Variants in ITPRID2 observed in about 807,000 individuals in gnomAD.
The protein encoded by ITPRID2 is ITPR interacting domain containing 2, also known as protein ITPRID2.
ITPRID2 carries 60 observed loss-of-function variants against 124.3 expected under a neutral mutation model. That is an observed-to-expected ratio of 0.48 (90% CI 0.39 to 0.60). ITPRID2 has a LOEUF of 0.60. ITPRID2 is among the 20% of genes least tolerant of loss of function. The probability of loss-of-function intolerance (pLI) is 0.00; values close to 1 mark genes in which losing one functional copy is unlikely to be tolerated. For synonymous variants in ITPRID2, 521 were observed against 542.9 expected, an observed-to-expected ratio of 0.96 and a Z score of 0.56; for missense variants, 1,553 against 1,512.2, an observed-to-expected ratio of 1.03 and a Z score of -0.45.
rs1194696520 is a variant in ITPRID2, at chr2:181,891,951, C to T, written c.-116C>T. On this transcript the variant is annotated 5_prime_UTR_variant, in exon 1 of 18. Coordinates refer to ENST00000431877, the MANE Select transcript of ITPRID2 (RefSeq NM_001130445.3). Reference sequence around the variant, plus strand: ...CCTCCTCCTCCTCCTCCGGCGCCCGCTTCAGCTCCCCGGGGCCCCCTGCCC... The same window carrying T: ...CCTCCTCCTCCTCCTCCGGCGCCCGTTTCAGCTCCCCGGGGCCCCCTGCCC... 1.2e-5 allele frequency: 11 copies of T among 892,196 alleles called. No individual in the cohort carries two copies. The highest frequency in any genetic ancestry group is 1.8e-5 in the South Asian group (1 of 55,468). 55.3% of individuals were successfully genotyped at this position (892,196 alleles called of 1,614,324 possible).
intron 7 of ITPRID2, among the ~76,000 whole-genome samples, chr2:181,901,386 T>C (rs1416386188): frequency 6.6e-6 from 1 of 152,160 alleles, no homozygotes; most frequent in African/African-American, 2.4e-5. Context: ...CCCTGCAAAT[T>C]AGGTATAAAA....
Position 181,905,243 on chromosome 2 carries a change from G to A in ITPRID2, c.1413+2777G>A, listed in dbSNP as rs1693017011. On this transcript the variant is annotated intron_variant, in intron 8 of 17. Transcript: ENST00000431877. This position sits in a 1 kb window ranked among gnomAD's most constrained non-coding sequence, Gnocchi z 4.1. ...TTTTTGTATTTTTAGTAGAGATGGG[G>A]TTTCACTACGTTGGCCAGGCTGGTC... is the stretch of plus-strand genomic sequence containing the variant. Among the ~76,000 whole-genome samples, 1 of 151,884 alleles carries A rather than the reference G, an allele frequency of 6.6e-6. No individual in the cohort carries two copies. Among genetic ancestry groups the A allele is most frequent in the Admixed American group, 6.6e-5 (1 of 15,252 alleles).
At chr2:181,925,699 C>T (rs1694794102) in intron 16 of ITPRID2, among the ~76,000 whole-genome samples, 1 of 152,176 alleles carries the variant, frequency 6.6e-6, no homozygotes, top group South Asian at 2.1e-4. Flanking sequence ...GCTCACAGTA[C>T]ACCTTCCATC....
At chr2:181,904,599 ATTCAGTGTAGTTTGTTGCTATTTTTCTT>A (rs1431265973) in intron 8 of ITPRID2, among the ~76,000 whole-genome samples, 1 of 152,190 alleles carries the variant, frequency 6.6e-6, no homozygotes, top group Non-Finnish European at 1.5e-5. Flanking sequence ...TTTAGATCCT[ATTCAGTGTAGTTTGTTGCTATTTTTCTT>A]TTGGACCTCT....
At chr2:181,913,709 A>G in intron 9 of ITPRID2, 136 bp from the exon 10 acceptor site, 2 of 554,770 alleles carry the variant, frequency 3.6e-6, no homozygotes, top group Admixed American at 3.9e-5. Context: ...TTTTCTAAGA[A>G]GCAGTCAAAT....
At chr2:181,901,687 A>G (rs1233394739) in intron 7 of ITPRID2, 79 bp from the exon 8 acceptor site, 8 of 1,043,994 alleles carry the variant, frequency 7.7e-6, no homozygotes, top group Non-Finnish European at 1.0e-5. Flanking sequence ...TTGGAATTCT[A>G]AACAATAATA....
chr2:181,930,177 C>T lies in ITPRID2; in HGVS notation c.*630C>T, dbSNP rs1695176472. On this transcript the variant is annotated 3_prime_UTR_variant, in exon 18 of 18. Coordinates refer to ENST00000431877, the MANE Select transcript of ITPRID2 (RefSeq NM_001130445.3). ...TTACCCAAGACAAATGTAATTTTAT[C>T]ATTGCTTATGTAGTATTTTTCTTTT... is the stretch of plus-strand genomic sequence containing the variant. 6.6e-6 allele frequency: 1 copy of T among 152,618 alleles called. No homozygotes were observed. The highest frequency in any genetic ancestry group is 1.5e-5 in the Non-Finnish European group (1 of 68,016). The allele number at this position is 152,618 out of a possible 1,614,324, so 9.5% of individuals were successfully genotyped here.
intron 2 of ITPRID2, chr2:181,894,060 CT>C (rs1334006627): frequency 6.6e-6 from 1 of 152,094 alleles, no homozygotes; most frequent in African/African-American, 2.4e-5. Context: ...TATTGGCTTA[CT>C]TTAGGTTTCT....
At chr2:181,909,423 T>A (rs1316549963) in intron 8 of ITPRID2, among the ~76,000 whole-genome samples, 1 of 152,214 alleles carries the variant, frequency 6.6e-6, no homozygotes, top group African/African-American at 2.4e-5. Flanking sequence ...TTAGTGTTTC[T>A]CCTGGGATTT....
At position 181,910,368 on chromosome 2, in the gene ITPRID2, A is replaced by G; in HGVS notation, c.1486+397A>G. 2 of 506,146 alleles carry G rather than the reference A, an allele frequency of 4.0e-6. No homozygotes were observed. The highest frequency in any genetic ancestry group is 5.0e-4 in the Middle Eastern group (1 of 2,016). 31.4% of individuals were successfully genotyped at this position (506,146 alleles called of 1,614,324 possible). A position where few individuals can be genotyped will look rare whatever the true frequency, so the allele number is the denominator to read the frequency against. ...TAAATATAGCTCCTAGGTATAACAC[A>G]TGAATATTCCTCTAGCAAAACCCAC... is the stretch of plus-strand genomic sequence containing the variant. On this transcript the variant is annotated intron_variant, in intron 9 of 17. Transcript: ENST00000431877. The surrounding 1 kb of genome is among the most constrained non-coding windows in gnomAD (Gnocchi z 4.1).
intron 6 of ITPRID2, among the ~76,000 whole-genome samples, chr2:181,899,540 C>A (rs1692486163): frequency 6.6e-6 from 1 of 152,086 alleles, no homozygotes; most frequent in Admixed American, 6.6e-5. Flanking sequence ...AAAGATCTTT[C>A]AAATATATAG....
At chr2:181,900,051 A>C (rs371695393) in intron 6 of ITPRID2, among the ~76,000 whole-genome samples, 2 of 152,198 alleles carry the variant, frequency 1.3e-5, no homozygotes, top group African/African-American at 2.4e-5. Flanking sequence ...GAAAGCTTGG[A>C]TTATCACTGG....
chr2:181,920,796 A>C, intron 15 of ITPRID2, 134 bp downstream of exon 15: 1 of 734,250 alleles, frequency 1.4e-6, no homozygotes, highest in East Asian at 2.8e-5. Context: ...ATTGGAAGTG[A>C]CTTTCACCTT....
chr2:181,924,985 C>T (rs1210033090), intron 16 of ITPRID2, among the ~76,000 whole-genome samples: 1 of 152,140 alleles, frequency 6.6e-6, no homozygotes, highest in Admixed American at 6.6e-5. Flanking sequence ...TGAATACATG[C>T]CCACAGAAGC....
Position 181,919,209 on chromosome 2 carries a change from T to C in ITPRID2, c.2994-87T>C, listed in dbSNP as rs1694298297. 2.1e-6 allele frequency: 3 copies of C among 1,460,842 alleles called. No homozygotes were observed. Among genetic ancestry groups the C allele is most frequent in the Admixed American group, 1.8e-5 (1 of 55,996 alleles). 90.5% of individuals were successfully genotyped at this position (1,460,842 alleles called of 1,614,324 possible). A position where few individuals can be genotyped will look rare whatever the true frequency, so the allele number is the denominator to read the frequency against. On this transcript the variant is annotated intron_variant, in intron 13 of 17. Transcript: ENST00000431877. This position sits in a 1 kb window ranked among gnomAD's most constrained non-coding sequence, Gnocchi z 4.2. ...GAACCTGAGATTTCCATGCCTTCTGTTAGCATATAGTAGTTGTTGAAAGAT... is the reference window on the plus strand; with the variant it reads ...GAACCTGAGATTTCCATGCCTTCTGCTAGCATATAGTAGTTGTTGAAAGAT...
In ITPRID2 at chr2:181,900,919, T is replaced by C. The variant is rs1203373725; in HGVS notation, c.712+15T>C. 2 of 1,573,314 alleles carry C rather than the reference T, an allele frequency of 1.3e-6. No homozygotes were observed. The highest frequency in any genetic ancestry group is 1.7e-6 in the Non-Finnish European group (2 of 1,160,214). ...TGCTTTAACAAGTAAGATTTTTAAG[T>C]GTTAGGCATATTATTTTCTTAAATT... On this transcript the variant is annotated intron_variant, in intron 7 of 17. Coordinates refer to ENST00000431877, the MANE Select transcript of ITPRID2 (RefSeq NM_001130445.3).
rs1202353752 is a variant in ITPRID2, at chr2:181,905,291, T to G, written c.1413+2825T>G. Among the ~76,000 whole-genome samples the G allele has an allele frequency of 2.0e-5, 3 of 152,052 alleles. No homozygotes were observed. The highest frequency in any genetic ancestry group is 6.6e-5 in the Admixed American group (1 of 15,252). Reference sequence around the variant, plus strand: ...GTCTCAAACTCCTGACCTCGTGATCTGACCACCTCGGCCTCCCAAAATGCT... The same window carrying G: ...GTCTCAAACTCCTGACCTCGTGATCGGACCACCTCGGCCTCCCAAAATGCT... On this transcript the variant is annotated intron_variant, in intron 8 of 17. Transcript: ENST00000431877. This position sits in a 1 kb window ranked among gnomAD's most constrained non-coding sequence, Gnocchi z 4.1.
At chr2:181,901,389 G>A (rs777623648) in intron 7 of ITPRID2, among the ~76,000 whole-genome samples, 8 of 152,110 alleles carry the variant, frequency 5.3e-5, no homozygotes, top group Non-Finnish European at 1.2e-4. Context: ...TGCAAATTAG[G>A]TATAAAATAT....
Position 181,891,812 on chromosome 2 carries a change from G to A in ITPRID2, c.-255G>A, listed in dbSNP as rs1574176956. The A allele has an allele frequency of 9.2e-6, 3 of 324,770 alleles. No homozygotes were observed. The highest frequency in any genetic ancestry group is 1.1e-4 in the Admixed American group (2 of 18,072). The allele number at this position is 324,770 out of a possible 1,614,324, so 20.1% of individuals were successfully genotyped here. On this transcript the variant is annotated 5_prime_UTR_variant, in exon 1 of 18. Coordinates refer to ENST00000431877, the MANE Select transcript of ITPRID2 (RefSeq NM_001130445.3). ...CCGGGCGGGCGCTCGGCTCCCAGCC[G>A]CGCTCCCTCGGGCCACTAGCGCTCC... is the stretch of plus-strand genomic sequence containing the variant.
Sources: gnomAD v4.1 joint callset for allele counts (sites outside exome capture counted in the v4.1 genomes callset) on GRCh38, gnomAD v4.1.1 for gene constraint, Gnocchi (gnomAD v3.1) non-coding constraint, MANE v1.5 for transcripts, NCBI Gene and HGNC (gene_info 2026-07-23, HGNC 2026-07-21) for gene names.